The following SDCCAG8 variants were observed in gnomAD, a reference collection of about 807,000 sequenced individuals.
SDCCAG8 encodes serologically defined colon cancer antigen 8.
SDCCAG8 carries 74 observed loss-of-function variants against 101.8 expected under a neutral mutation model. That is an observed-to-expected ratio of 0.73 (90% CI 0.60 to 0.88). SDCCAG8 has a LOEUF of 0.88. Ranked by LOEUF, SDCCAG8 falls within the 40% of genes least tolerant of loss-of-function variation. The pLI, the probability that SDCCAG8 is intolerant of heterozygous loss-of-function variation, is 0.00. For missense variants in SDCCAG8, 787 were observed against 822.6 expected (o/e 0.96, Z 0.53); for synonymous variants, 281 against 292.9 (o/e 0.96, Z 0.41).
intron 10 of SDCCAG8, among the ~76,000 whole-genome samples, chr1:243,340,290 T>C (rs1448966543): frequency 6.6e-6 from 1 of 152,184 alleles, no homozygotes; most frequent in East Asian, 1.9e-4. Context: ...CATAGTGATA[T>C]TCAAAATATT....
At chr1:243,302,119 G>A (rs766804363) in intron 6 of SDCCAG8, among the ~76,000 whole-genome samples, 3 of 152,044 alleles carry the variant, frequency 2.0e-5, no homozygotes, top group Non-Finnish European at 4.4e-5. Flanking sequence ...ATGATGTCAC[G>A]TGCCTGTAAT....
rs774092854 is a variant in SDCCAG8 at position 243,489,109 on chromosome 1, T to C, written c.2081T>C (p.Leu694Pro). ...CAGCTTCTCCTGGAGAGGCAGAGCC[T>C]GTCGGAAGAGGTGGACCGGCTGCGG... ...QNQLLLERQS[L>P]SEEVDRLRTQ... is the part of the protein sequence containing the mutation. Residue 694 changes from leucine to proline, a missense_variant, in exon 17 of 18, where the codon CTG becomes CCG. Physicochemically the swap from Leu to Pro is moderately conservative, Grantham distance 98. Transcript: ENST00000366541. The C allele has an allele frequency of 1.9e-6, 3 of 1,613,096 alleles. No homozygotes were observed. In the East Asian group the frequency reaches 6.7e-5, roughly 36 times the overall value.
At chr1:243,480,509 A>G (rs144621877) in intron 16 of SDCCAG8, among the ~76,000 whole-genome samples, 17 of 6,860 alleles carry the variant, frequency 2.5e-3, no homozygotes, top group Admixed American at 6.6e-3. Context: ...ATGGATGGAT[A>G]GGTGGGATGG....
intron 13 of SDCCAG8, among the ~76,000 whole-genome samples, chr1:243,406,127 G>A (rs114417969): frequency 0.016 from 2,418 of 152,222 alleles, 30 homozygotes; most frequent in South Asian, 0.025. Context: ...AGCCAAGAAT[G>A]CATAAAAGTC....
At chr1:243,271,856 G>C (rs888214282) in intron 3 of SDCCAG8, among the ~76,000 whole-genome samples, 1 of 152,050 alleles carries the variant, frequency 6.6e-6, no homozygotes, top group East Asian at 1.9e-4. Flanking sequence ...AAAATAATAC[G>C]TTTTAATATG....
At chr1:243,292,656 A>T (rs1415327545) in intron 5 of SDCCAG8, among the ~76,000 whole-genome samples, 5 of 152,222 alleles carry the variant, frequency 3.3e-5, no homozygotes, top group Non-Finnish European at 7.3e-5. Flanking sequence ...TAGAACTGTA[A>T]TGATTAAATG....
intron 12 of SDCCAG8, among the ~76,000 whole-genome samples, chr1:243,362,244 G>T (rs1168186766): frequency 6.6e-6 from 1 of 151,754 alleles, no homozygotes. Flanking sequence ...ATGGCCAGTT[G>T]ACTGCCTCAA....
chr1:243,294,501 A>AAGAGAGAGAGAGAG (rs2070627731), intron 6 of SDCCAG8, among the ~76,000 whole-genome samples: 1 of 26,680 alleles, frequency 3.7e-5, no homozygotes, highest in Admixed American at 3.8e-4. Context: ...GAGAGAGAGA[A>AAGAGAGAGAGAGAG]AGAGCGAGAG....
At chr1:243,407,229 T>C (rs13374280) in intron 13 of SDCCAG8, among the ~76,000 whole-genome samples, 20,438 of 152,190 alleles carry the variant, frequency 0.13, 1,660 homozygotes, top group African/African-American at 0.22. Flanking sequence ...GGCAGTGCCA[T>C]GGAATGGAAA....
chr1:243,264,341 A>C (rs1283660263), intron 1 of SDCCAG8, among the ~76,000 whole-genome samples: 1 of 152,214 alleles, frequency 6.6e-6, no homozygotes, highest in African/African-American at 2.4e-5. Context: ...CAGGCCAGGC[A>C]GGGTGGCTCA....
chr1:243,288,791 G>A (rs959198690), intron 5 of SDCCAG8, among the ~76,000 whole-genome samples: 1 of 152,038 alleles, frequency 6.6e-6, no homozygotes, highest in Non-Finnish European at 1.5e-5. Context: ...GGTGGATCAC[G>A]AGGTCAGGAA....
chr1:243,318,476 A>G (rs775377682), intron 9 of SDCCAG8: 11 of 796,138 alleles, frequency 1.4e-5, no homozygotes, highest in Non-Finnish European at 1.5e-5. Context: ...CCTATGTAAC[A>G]AACCTTCACA....
chr1:243,389,609 T>G (rs1438640545), intron 13 of SDCCAG8, among the ~76,000 whole-genome samples: 1 of 152,226 alleles, frequency 6.6e-6, no homozygotes, highest in Non-Finnish European at 1.5e-5. Flanking sequence ...TTTTTTCTAG[T>G]AATTCATTTT....
rs1167868774 is a variant in SDCCAG8 at position 243,344,222 on chromosome 1, G to A, written c.1364G>A (p.Gly455Glu). 8 of 1,613,586 alleles carry A rather than the reference G, an allele frequency of 5.0e-6. No individual in the cohort carries two copies. The highest frequency in any genetic ancestry group is 6.8e-6 in the Non-Finnish European group (8 of 1,179,656). Residue 455 changes from glycine (G) to glutamate (E), a missense_variant, in exon 12 of 18, where the codon GGA becomes GAA. By Grantham distance (98) the Gly-to-Glu change is moderately conservative. Coordinates refer to ENST00000366541, the MANE Select transcript of SDCCAG8 (RefSeq NM_006642.5). ...SREMDVTKVC[G>E]EMRYQLNKTN... Reference sequence around the variant, plus strand: ...TTTTTTACAATCTAACAGGTGTGTGGAGAAATGCGCTATCAGCTGAATAAA... The same window carrying A: ...TTTTTTACAATCTAACAGGTGTGTGAAGAAATGCGCTATCAGCTGAATAAA...
intron 17 of SDCCAG8, among the ~76,000 whole-genome samples, chr1:243,496,901 C>T (rs556141909): frequency 3.9e-5 from 6 of 152,210 alleles, no homozygotes; most frequent in Non-Finnish European, 8.8e-5. Flanking sequence ...GATGGGGGCA[C>T]GTTTCCACCA....
intron 9 of SDCCAG8, among the ~76,000 whole-genome samples, chr1:243,328,970 A>C (rs944576179): frequency 2.0e-5 from 3 of 152,178 alleles, no homozygotes; most frequent in Non-Finnish European, 4.4e-5. Flanking sequence ...GTTTATATTA[A>C]GTAAGCGTTT....
At chr1:243,376,224 A>C (rs2077587447) in intron 12 of SDCCAG8, among the ~76,000 whole-genome samples, 8 of 152,180 alleles carry the variant, frequency 5.3e-5, no homozygotes, top group Admixed American at 5.2e-4. Context: ...GCTGTCTTTT[A>C]GTCAGATTTT....
chr1:243,377,347 A>G (rs1199642285), intron 12 of SDCCAG8, among the ~76,000 whole-genome samples: 1 of 151,934 alleles, frequency 6.6e-6, no homozygotes, highest in Non-Finnish European at 1.5e-5. Context: ...TATCTCTTTA[A>G]TTATATTTAA....
chr1:243,404,684 A>G (rs935360922), intron 13 of SDCCAG8, among the ~76,000 whole-genome samples: 2 of 152,178 alleles, frequency 1.3e-5, no homozygotes, highest in African/African-American at 2.4e-5. Flanking sequence ...ATCAAACTCT[A>G]AAAATGGACT....
Sources: gnomAD v4.1 joint callset for allele counts (sites outside exome capture counted in the v4.1 genomes callset) on GRCh38, gnomAD v4.1.1 for gene constraint, MANE v1.5 for transcripts, NCBI Gene and HGNC (gene_info 2026-07-23, HGNC 2026-07-21) for gene names.